CDK19: variants seen among roughly 807,000 people sequenced by gnomAD.
CDK19 encodes the protein cyclin-dependent kinase 19.
A neutral mutation model predicts 68.3 loss-of-function variants in CDK19; 20 were observed. That is an observed-to-expected ratio of 0.29 (90% CI 0.21 to 0.43). The LOEUF is 0.43. Among genes scored for constraint, CDK19 ranks in the 20% least tolerant of loss-of-function variants. CDK19 has a pLI of 1.00. For missense variants in CDK19, 339 were observed against 623.5 expected (o/e 0.54, Z 4.86); for synonymous variants, 221 against 222.8 (o/e 0.99, Z 0.07).
intron 1 of CDK19, among the ~76,000 whole-genome samples, chr6:110,777,803 T>TAACCATAAAA (rs1780515705): frequency 6.6e-6 from 1 of 152,182 alleles, no homozygotes; most frequent in African/African-American, 2.4e-5. Flanking sequence ...AACAGAATAT[T>TAACCATAAAA]AGCCATAAAA....
intron 1 of CDK19, among the ~76,000 whole-genome samples, chr6:110,777,640 G>A (rs1253218116): frequency 1.3e-5 from 2 of 152,162 alleles, no homozygotes; most frequent in Admixed American, 6.6e-5. Context: ...TTCCACTTCT[G>A]GGTATGGAGT....
At chr6:110,632,812 A>C (rs1008135893) in intron 5 of CDK19, among the ~76,000 whole-genome samples, 3 of 152,222 alleles carry the variant, frequency 2.0e-5, no homozygotes, top group African/African-American at 7.2e-5. Flanking sequence ...TCCAGGTCTG[A>C]CTTTAGATTC....
At chr6:110,645,493 T>C (rs1446405904) in intron 4 of CDK19, among the ~76,000 whole-genome samples, 1 of 152,012 alleles carries the variant, frequency 6.6e-6, no homozygotes, top group Non-Finnish European at 1.5e-5. Context: ...GCTCAATAAG[T>C]TTAAAAAATA....
intron 1 of CDK19, among the ~76,000 whole-genome samples, chr6:110,754,917 A>T (rs577413120): frequency 6.6e-6 from 1 of 152,182 alleles, no homozygotes; most frequent in Admixed American, 6.5e-5. Flanking sequence ...AGCACATAAC[A>T]TGTGTCAAGC....
At chr6:110,784,075 C>T (rs910541678) in intron 1 of CDK19, among the ~76,000 whole-genome samples, 2 of 145,058 alleles carry the variant, frequency 1.4e-5, no homozygotes, top group Non-Finnish European at 1.5e-5. Context: ...AAGAGAATTG[C>T]TTGAGCTGGG....
chr6:110,656,646 T>C (rs930857354), intron 4 of CDK19, among the ~76,000 whole-genome samples: 1 of 152,240 alleles, frequency 6.6e-6, no homozygotes, highest in Non-Finnish European at 1.5e-5. Context: ...AACTTCAGTA[T>C]TCACAGTAAA....
intron 1 of CDK19, among the ~76,000 whole-genome samples, chr6:110,764,472 C>T (rs111729745): frequency 6.6e-6 from 1 of 152,076 alleles, no homozygotes; most frequent in Non-Finnish European, 1.5e-5. Flanking sequence ...CTCACATGTT[C>T]GTTGACAAAG....
chr6:110,695,248 G>A (rs550059569), intron 2 of CDK19, among the ~76,000 whole-genome samples: 1 of 152,304 alleles, frequency 6.6e-6, no homozygotes, highest in African/African-American at 2.4e-5. Flanking sequence ...ATCTGCTCCT[G>A]AATGACCTTT....
intron 5 of CDK19, among the ~76,000 whole-genome samples, chr6:110,637,143 T>C (rs768377597): frequency 6.6e-6 from 1 of 152,228 alleles, no homozygotes; most frequent in African/African-American, 2.4e-5. Flanking sequence ...TTGTGTAAAA[T>C]AAATGCGGTA....
At position 110,621,068 on chromosome 6, in the gene CDK19, C is replaced by A; in HGVS notation, c.1377+36G>T. On this transcript the variant is annotated intron_variant, in intron 12 of 12. Coordinates refer to ENST00000368911, the MANE Select transcript of CDK19 (RefSeq NM_015076.5). This position sits in a 1 kb window ranked among gnomAD's most constrained non-coding sequence, Gnocchi z 5.4. ...TCTAGGATAAATCTTTTCCCCACTT[C>A]ATAAAGCATATGAACATTAGACATT... 1 of 1,569,356 alleles carries A rather than the reference C, an allele frequency of 6.4e-7. No individual in the cohort carries two copies. The highest frequency in any genetic ancestry group is 1.8e-5 in the Admixed American group (1 of 54,584).
chr6:110,657,551 T>C (rs1403926906), intron 4 of CDK19, among the ~76,000 whole-genome samples: 1 of 152,112 alleles, frequency 6.6e-6, no homozygotes, highest in African/African-American at 2.4e-5. Context: ...TTTAATAAAA[T>C]AGCGTGCCTA....
At chr6:110,652,631 T>C (rs146888541) in intron 4 of CDK19, among the ~76,000 whole-genome samples, 23 of 152,322 alleles carry the variant, frequency 1.5e-4, no homozygotes, top group African/African-American at 5.5e-4. Flanking sequence ...ACATAGATTA[T>C]AAGCTGCTGA....
intron 4 of CDK19, among the ~76,000 whole-genome samples, chr6:110,648,009 A>C (rs1026352841): frequency 6.6e-6 from 1 of 152,234 alleles, no homozygotes; most frequent in Non-Finnish European, 1.5e-5. Context: ...GGGAAAAAAA[A>C]CAGCTGATAG....
At chr6:110,783,650 G>GA (rs1018612795) in intron 1 of CDK19, among the ~76,000 whole-genome samples, 12 of 134,294 alleles carry the variant, frequency 8.9e-5, no homozygotes, top group African/African-American at 1.6e-4. Flanking sequence ...AAAAAAAAAA[G>GA]AAAAAAAAAA....
chr6:110,736,540 A>G (rs1777267049), intron 2 of CDK19, among the ~76,000 whole-genome samples: 1 of 152,080 alleles, frequency 6.6e-6, no homozygotes. Context: ...ATCTTTTTTT[A>G]GTTTTATCAC....
intron 1 of CDK19, among the ~76,000 whole-genome samples, chr6:110,746,775 C>A (rs2114881097): frequency 6.6e-6 from 1 of 152,272 alleles, no homozygotes; most frequent in South Asian, 2.1e-4. Context: ...CTCAGGAACA[C>A]TAGGAGAAAC....
intron 2 of CDK19, among the ~76,000 whole-genome samples, chr6:110,719,112 A>G (rs1775629931): frequency 6.6e-6 from 1 of 152,194 alleles, no homozygotes; most frequent in Admixed American, 6.5e-5. Context: ...AAGAAATAAG[A>G]AAAATTCAAT....
intron 4 of CDK19, among the ~76,000 whole-genome samples, chr6:110,659,237 A>G (rs767453251): frequency 2.0e-5 from 3 of 152,228 alleles, no homozygotes; most frequent in Non-Finnish European, 2.9e-5. Flanking sequence ...TTATGAAGAG[A>G]AGCTATGCTG....
chr6:110,635,591 G>C (rs1022422129), intron 5 of CDK19, among the ~76,000 whole-genome samples: 1 of 152,194 alleles, frequency 6.6e-6, no homozygotes, highest in Admixed American at 6.5e-5. Flanking sequence ...CCAGGCTGGA[G>C]TGCAGTGGCA....
Sources: allele counts gnomAD v4.1 joint callset (sites outside exome capture counted in the v4.1 genomes callset), GRCh38; gene constraint gnomAD v4.1.1; non-coding constraint Gnocchi (gnomAD v3.1); transcripts MANE v1.5; gene names NCBI Gene and HGNC (gene_info 2026-07-23, HGNC 2026-07-21).